The following NYX variants were observed in gnomAD, a reference collection of about 807,000 sequenced individuals.
The protein encoded by NYX is nyctalopin, also known as leucine-rich repeat protein.
For missense variants in NYX, 481 were observed against 485.4 expected (o/e 0.99, Z 0.09); for synonymous variants, 258 against 245.7 (o/e 1.05, Z -0.47).
chrX:41,470,882 T>A, intron 2 of NYX, among the ~76,000 whole-genome samples: 2 of 109,894 alleles, frequency 1.8e-5, no homozygotes, highest in Middle Eastern at 4.6e-3. Context: ...CACAGCGATG[T>A]CCTCGGAGAT....
At position 41,474,294 on chromosome X, in the gene NYX, G is replaced by C. The variant is rs1012584711; in HGVS notation, c.826G>C (p.Glu276Gln). Residue 276 changes from glutamate to glutamine, a missense_variant, in exon 3 of 3, where the codon GAG becomes CAG. By Grantham distance (29) the Glu-to-Gln change is conservative (BLOSUM62 2). Transcript: ENST00000378220. ...CTGGTTCGCTGACCTGGCCGAGCTCGAGCTGCTCTACCTGGACCGCAACAG... is the reference window on the plus strand; with the variant it reads ...CTGGTTCGCTGACCTGGCCGAGCTCCAGCTGCTCTACCTGGACCGCAACAG... ...RAWFADLAEL[E>Q]LLYLDRNSIA... 8.3e-6 allele frequency: 10 copies of C among 1,206,830 alleles called. No individual in the cohort carries two copies. Among genetic ancestry groups the C allele is most frequent in the Non-Finnish European group, 7.8e-6 (7 of 895,240 alleles).
chrX:41,457,902 A>C (rs1380583476), intron 2 of NYX, among the ~76,000 whole-genome samples: 1 of 110,784 alleles, frequency 9.0e-6, no homozygotes, highest in Non-Finnish European at 1.9e-5. Context: ...GTCTTAGTCT[A>C]TTTCGTGCTG....
rs747097738 is a variant in NYX, at chrX:41,475,416, G to A, written c.*517G>A. On this transcript the variant is annotated 3_prime_UTR_variant, in exon 3 of 3. Transcript: ENST00000378220. ...GGCAGGACGTGAGAGAAGGGAGATG[G>A]GAGAGAGATTTAAGACAAAGGGTGG... 1.6e-5 allele frequency: 2 copies of A among 124,083 alleles called. No individual in the cohort carries two copies. The highest frequency in any genetic ancestry group is 3.3e-5 in the Non-Finnish European group (2 of 61,179). The allele number at this position is 124,083 out of a possible 1,213,427, so 10.2% of individuals were successfully genotyped here.
intron 2 of NYX, among the ~76,000 whole-genome samples, chrX:41,471,837 T>A (rs200022437): frequency 0.033 from 1,410 of 42,091 alleles, 18 homozygotes; most frequent in African/African-American, 0.11. Context: ...ATATGTATTT[T>A]TTTTTTTTTT....
At chrX:41,452,255 A>G (rs1456941993) in intron 2 of NYX, among the ~76,000 whole-genome samples, 3 of 111,767 alleles carry the variant, frequency 2.7e-5, no homozygotes, top group Non-Finnish European at 5.6e-5. Flanking sequence ...GCCCAGCCAG[A>G]AATGTTCTAA....
intron 2 of NYX, among the ~76,000 whole-genome samples, chrX:41,457,912 G>A (rs887047019): frequency 4.5e-5 from 5 of 110,899 alleles, no homozygotes; most frequent in African/African-American, 1.6e-4. Flanking sequence ...ATTTCGTGCT[G>A]CTGTAACAAT....
At chrX:41,454,352 G>A (rs910039959) in intron 2 of NYX, among the ~76,000 whole-genome samples, 4 of 109,458 alleles carry the variant, frequency 3.7e-5, no homozygotes, top group East Asian at 2.9e-4. Flanking sequence ...TCACTCTGTC[G>A]CTCAGGCTGG....
chrX:41,464,301 A>G (rs912598060), intron 2 of NYX, among the ~76,000 whole-genome samples: 1 of 110,168 alleles, frequency 9.1e-6, no homozygotes, highest in African/African-American at 3.3e-5. Context: ...ACATGCCACC[A>G]CACATAGTTA....
intron 2 of NYX, among the ~76,000 whole-genome samples, chrX:41,458,114 TAAC>T (rs1696510987): frequency 9.0e-6 from 1 of 111,072 alleles, no homozygotes; most frequent in African/African-American, 3.3e-5. Context: ...TTTGCAATAA[TAAC>T]ATTAATTCCT....
intron 2 of NYX, among the ~76,000 whole-genome samples, chrX:41,467,357 T>A (rs1003711173): frequency 9.1e-6 from 1 of 109,798 alleles, no homozygotes; most frequent in Admixed American, 9.9e-5. Context: ...TATTATTATT[T>A]ATTATTTATT....
rs184178074 is a variant in NYX at position 41,466,236 on chromosome X, C to T, written c.23-7255C>T. On this transcript the variant is annotated intron_variant, in intron 2 of 2. Coordinates refer to ENST00000378220, the MANE Select transcript of NYX (RefSeq NM_001378477.3). The stretch of plus-strand genomic sequence containing the variant: ...CTTGAGGTCAGGAGTTCAAGACCAG[C>T]CTCGGCAACATAGTGATACCTTGTC... Among the ~76,000 whole-genome samples, 238 of 110,737 alleles carry T rather than the reference C, an allele frequency of 2.1e-3. 1 individual carries two copies. Among genetic ancestry groups the T allele is most frequent in the African/African-American group, 7.4e-3 (225 of 30,467 alleles).
In NYX at chrX:41,474,190, C is replaced by T. The variant is rs763017414; in HGVS notation, c.722C>T (p.Pro241Leu). The T allele has an allele frequency of 5.1e-6, 6 of 1,165,512 alleles. No homozygotes were observed. In the Admixed American group the frequency reaches 1.0e-4, roughly 19 times the overall value. The change falls in exon 3 of 3, where the codon CCG (proline) becomes CTG (leucine). Residue 241 changes from proline to leucine, a missense_variant. Pro to Leu is a moderately conservative substitution (Grantham distance 98, BLOSUM62 -3). Transcript: ENST00000378220. ...AACGACAACCTGCTGGCCGAGCTCC[C>T]GGCCGACGCCTTCCGCGGCCTGCGG... is the stretch of plus-strand genomic sequence containing the variant. ...LLNDNLLAEL[P>L]ADAFRGLRRL... is the part of the protein sequence containing the mutation.
intron 2 of NYX, among the ~76,000 whole-genome samples, chrX:41,463,151 G>A (rs769436807): frequency 9.0e-6 from 1 of 111,368 alleles, no homozygotes; most frequent in Non-Finnish European, 1.9e-5. Flanking sequence ...TGAATTTTGC[G>A]TATGGTGTGA....
chrX:41,463,487 A>G (rs894918254), intron 2 of NYX, among the ~76,000 whole-genome samples: 5 of 107,844 alleles, frequency 4.6e-5, no homozygotes, highest in African/African-American at 1.7e-4. Flanking sequence ...CAGTGGCGCA[A>G]TCTCGGCTCA....
intron 2 of NYX, among the ~76,000 whole-genome samples, chrX:41,469,535 G>A (rs1158965173): frequency 4.1e-5 from 4 of 98,749 alleles, no homozygotes; most frequent in Non-Finnish European, 4.0e-5. Context: ...AGCAGGCCAC[G>A]ATGACATTCT....
intron 2 of NYX, among the ~76,000 whole-genome samples, chrX:41,457,655 A>T (rs1232009496): frequency 8.9e-6 from 1 of 111,742 alleles, no homozygotes; most frequent in African/African-American, 3.3e-5. Flanking sequence ...ACATCACCTT[A>T]CTGACTAGTT....
At chrX:41,448,404 G>A (rs1353972111) in intron 2 of NYX, among the ~76,000 whole-genome samples, 1 of 104,947 alleles carries the variant, frequency 9.5e-6, no homozygotes, top group Non-Finnish European at 2.0e-5. Flanking sequence ...CACCACGCCT[G>A]GCTAATTTTT....
At chrX:41,454,374 G>A (rs1277594506) in intron 2 of NYX, among the ~76,000 whole-genome samples, 6 of 109,644 alleles carry the variant, frequency 5.5e-5, no homozygotes, top group African/African-American at 1.7e-4. Flanking sequence ...GTGCAGTGGC[G>A]TGATCTCAGC....
intron 2 of NYX, among the ~76,000 whole-genome samples, chrX:41,471,826 T>C: frequency 3.6e-5 from 2 of 55,185 alleles, no homozygotes; most frequent in East Asian, 0.067. Flanking sequence ...TGTATATATA[T>C]ATATGTATTT....
Sources: gnomAD v4.1 joint callset for allele counts (sites outside exome capture counted in the v4.1 genomes callset) on GRCh38, gnomAD v4.1.1 for gene constraint, MANE v1.5 for transcripts, NCBI Gene and HGNC (gene_info 2026-07-23, HGNC 2026-07-21) for gene names.